Variants in CEP112 observed in about 807,000 individuals in gnomAD.
CEP112 encodes centrosomal protein 112, also known as centrosomal protein of 112 kDa.
Under a neutral mutation model 153.0 loss-of-function variants are expected in CEP112, and 127 were observed. The observed-to-expected ratio is 0.83, with a 90% CI of 0.72 to 0.96. The LOEUF (loss-of-function observed/expected upper bound fraction) is 0.96. Ranked by LOEUF, CEP112 falls within the 40% of genes least tolerant of loss-of-function variation. The pLI is 0.00. For synonymous variants in CEP112, 358 were observed against 374.4 expected (o/e 0.96, Z 0.51); for missense variants, 1,089 against 1,101.2 (o/e 0.99, Z 0.16).
rs539001013 is a variant in CEP112 at position 65,807,788 on chromosome 17, C to G, written c.2394+44016G>C. On this transcript the variant is annotated intron_variant, in intron 21 of 26. Coordinates refer to ENST00000535342, the MANE Select transcript of CEP112 (RefSeq NM_001199165.4). Reference sequence around the variant, plus strand: ...GATTTCTGAGGATGTATGGAAATGCCTGAATGTCCAGGCAGAAGTCTGTTG... The same window carrying G: ...GATTTCTGAGGATGTATGGAAATGCGTGAATGTCCAGGCAGAAGTCTGTTG... Among the ~76,000 whole-genome samples the G allele has an allele frequency of 5.3e-3, 813 of 152,350 alleles. 9 individuals carry two copies. Among genetic ancestry groups the G allele is most frequent in the African/African-American group, 0.019 (775 of 41,592 alleles).
chr17:65,902,027 A>AAAG, intron 20 of CEP112, 125 bp downstream of exon 20: 1 of 379,370 alleles, frequency 2.6e-6, no homozygotes, highest in Non-Finnish European at 4.6e-6. Context: ...AAAAAAAATC[A>AAAG]CATTTATATG....
intron 18 of CEP112, 131 bp downstream of exon 18, chr17:65,961,332 G>T: frequency 1.2e-6 from 1 of 834,158 alleles, no homozygotes; most frequent in Non-Finnish European, 1.8e-6. Flanking sequence ...CTGAATCTCT[G>T]ACCCGATTGT....
At chr17:66,116,124 T>A (rs948464171) in intron 6 of CEP112, among the ~76,000 whole-genome samples, 3 of 152,324 alleles carry the variant, frequency 2.0e-5, no homozygotes, top group African/African-American at 7.2e-5. Context: ...GGGTAAGTAA[T>A]GAAAAAGTAT....
Position 65,852,010 on chromosome 17 carries a change from C to A in CEP112, c.2188G>T (p.Val730Phe), listed in dbSNP as rs1430872669. 2 of 1,610,776 alleles carry A rather than the reference C, an allele frequency of 1.2e-6. No individual in the cohort carries two copies. Residue 730 changes from valine (V) to phenylalanine (F), a missense_variant, in exon 21 of 27, where the codon GTT becomes TTT. Coordinates refer to ENST00000535342, the MANE Select transcript of CEP112 (RefSeq NM_001199165.4). ...AQVIADMEAQ[V>F]HKLREELINV... ...ATCAATTCTTCTCTCAACTTGTGAA[C>A]CTGGGCCTCCATGTCGGCAATAACC...
At chr17:66,068,760 C>T (rs8072495) in intron 9 of CEP112, among the ~76,000 whole-genome samples, 7,341 of 152,040 alleles carry the variant, frequency 0.048, 234 homozygotes, top group African/African-American at 0.07. Context: ...ACCAAGAAAC[C>T]TATTTCAAAT....
At chr17:65,704,420 TACACACACACACAC>T (rs3074178) in intron 23 of CEP112, among the ~76,000 whole-genome samples, 6 of 147,702 alleles carry the variant, frequency 4.1e-5, no homozygotes, top group South Asian at 2.2e-4. Flanking sequence ...ACGTGTAAAA[TACACACACACACAC>T]ACACACACAC....
At chr17:66,091,281 CAT>C (rs2068121008) in intron 8 of CEP112, among the ~76,000 whole-genome samples, 1 of 152,098 alleles carries the variant, frequency 6.6e-6, no homozygotes, top group Non-Finnish European at 1.5e-5. Context: ...CAGCATAGAT[CAT>C]ATGTTAGTTC....
At chr17:66,136,914 T>A (rs927145248) in intron 4 of CEP112, among the ~76,000 whole-genome samples, 1 of 151,898 alleles carries the variant, frequency 6.6e-6, no homozygotes, top group African/African-American at 2.4e-5. Flanking sequence ...ACAAAGCCAA[T>A]CCATAAAGAC....
In CEP112 at chr17:65,675,457, C is replaced by T. The variant is rs1002938271; in HGVS notation, c.2697+13672G>A. On this transcript the variant is annotated intron_variant, in intron 24 of 26. Transcript: ENST00000535342. ...CTGACCTCAAGTGATCCACCCACCT[C>T]GGCCTCCCAAAGTGCTGGGATTACA... Among the ~76,000 whole-genome samples the T allele has an allele frequency of 3.7e-4, 56 of 152,232 alleles. 1 individual carries two copies. Among genetic ancestry groups the T allele is most frequent in the Non-Finnish European group, 6.9e-4 (47 of 68,018 alleles).
chr17:65,810,297 C>T (rs2055871421), intron 21 of CEP112, among the ~76,000 whole-genome samples: 1 of 152,064 alleles, frequency 6.6e-6, no homozygotes, highest in African/African-American at 2.4e-5. Flanking sequence ...TGCATCTCCC[C>T]TTCCCCACAC....
chr17:66,025,913 TGTG>T (rs1158225401), intron 16 of CEP112, among the ~76,000 whole-genome samples: 19 of 7,734 alleles, frequency 2.5e-3, no homozygotes, highest in African/African-American at 4.6e-3. Flanking sequence ...ATAAAGAAAA[TGTG>T]GCATACACAC....
chr17:65,671,303 G>A (rs2046970119), intron 24 of CEP112, among the ~76,000 whole-genome samples: 3 of 152,140 alleles, frequency 2.0e-5, no homozygotes, highest in Admixed American at 2.0e-4. Context: ...CATCCATAAG[G>A]GGAGAAGTAC....
At chr17:66,022,200 A>T (rs1243873790) in intron 16 of CEP112, among the ~76,000 whole-genome samples, 1 of 152,196 alleles carries the variant, frequency 6.6e-6, no homozygotes, top group African/African-American at 2.4e-5. Flanking sequence ...ACATACCCAG[A>T]AGTAAACAGC....
intron 18 of CEP112, among the ~76,000 whole-genome samples, chr17:65,950,806 T>C (rs2061804076): frequency 6.6e-6 from 1 of 152,008 alleles, no homozygotes; most frequent in South Asian, 2.1e-4. Flanking sequence ...AAAGCAGACA[T>C]CTTTGCCTTG....
chr17:65,693,909 A>T (rs1422118094), intron 23 of CEP112, among the ~76,000 whole-genome samples: 1 of 152,146 alleles, frequency 6.6e-6, no homozygotes, highest in African/African-American at 2.4e-5. Context: ...CACAGTACAA[A>T]GATGGGTGTC....
At chr17:65,769,327 A>C in intron 21 of CEP112, among the ~76,000 whole-genome samples, 1 of 152,074 alleles carries the variant, frequency 6.6e-6, no homozygotes, top group East Asian at 1.9e-4. Flanking sequence ...AATATTTTTT[A>C]AATGTCCATA....
intron 20 of CEP112, among the ~76,000 whole-genome samples, chr17:65,870,474 A>T (rs1160241981): frequency 6.6e-6 from 1 of 152,228 alleles, no homozygotes; most frequent in African/African-American, 2.4e-5. Flanking sequence ...AGAAGCATTT[A>T]TTATATAAAT....
chr17:66,153,981 A>G (rs1161963856), intron 4 of CEP112, among the ~76,000 whole-genome samples: 1 of 143,222 alleles, frequency 7.0e-6, no homozygotes, highest in Non-Finnish European at 1.5e-5. Flanking sequence ...TGACCAACAG[A>G]ATGAAACCCT....
intron 21 of CEP112, among the ~76,000 whole-genome samples, chr17:65,798,724 C>G (rs538356622): frequency 6.6e-6 from 1 of 152,300 alleles, no homozygotes; most frequent in Non-Finnish European, 1.5e-5. Context: ...TTTACTGTCT[C>G]TTGTTTAGAA....
Sources: gnomAD v4.1 joint callset for allele counts (sites outside exome capture counted in the v4.1 genomes callset) on GRCh38, gnomAD v4.1.1 for gene constraint, MANE v1.5 for transcripts, NCBI Gene and HGNC (gene_info 2026-07-23, HGNC 2026-07-21) for gene names.